FAT4: variants seen among roughly 807,000 people sequenced by gnomAD.
FAT4 encodes protocadherin Fat 4.
In FAT4, 84 loss-of-function variants were observed where a neutral mutation model predicts 303.9. The ratio of observed to expected loss-of-function variants is 0.28; its 90% CI spans 0.23 to 0.33. The LOEUF is 0.33. Ranked by LOEUF, FAT4 falls within the 10% of genes least tolerant of loss-of-function variation. FAT4 has a pLI of 1.00. For synonymous variants in FAT4, 2,307 were observed against 2,298.8 expected (o/e 1.00, Z -0.10); for missense variants, 6,005 against 6,146.8 (o/e 0.98, Z 0.77).
chr4:125,452,347 T>C lies in FAT4; in HGVS notation c.11337T>C (p.Ser3779=). ...ATCATAATCAGTATGTGAATCCCAG[T>C]GGCGTAGCCACCTTCTTTGAAAGCA... The part of the protein sequence containing the change: ...KRNHNQYVNP[S]GVATFFESIK... Residue 3779 remains serine (S), a synonymous_variant, in exon 10 of 18, where the codon AGT becomes AGC. Transcript: ENST00000394329. 3.1e-6 allele frequency: 5 copies of C among 1,614,222 alleles called. No homozygotes were observed. Among genetic ancestry groups the C allele is most frequent in the Non-Finnish European group, 4.2e-6 (5 of 1,180,038 alleles).
intron 3 of FAT4, among the ~76,000 whole-genome samples, chr4:125,401,716 A>T (rs1734395568): frequency 7.9e-6 from 1 of 125,984 alleles, no homozygotes; most frequent in South Asian, 2.9e-4. Flanking sequence ...GAAGCACATG[A>T]TTCCGTTTGT....
In FAT4 at chr4:125,490,809, T is replaced by C; in HGVS notation, c.13993T>C (p.Ser4665Pro). Reference sequence around the variant, plus strand: ...CAGTCCCCTAGGCTTTGCAAGGCAATCCCCCATGCCCTTAGGAGCAAGCAG... The same window carrying C: ...CAGTCCCCTAGGCTTTGCAAGGCAACCCCCCATGCCCTTAGGAGCAAGCAG... ...RHSPLGFARQ[S>P]PMPLGASSLT... Residue 4665 changes from serine (S) to proline (P), a missense_variant, in exon 18 of 18, where the codon TCC becomes CCC. Ser to Pro is a moderately conservative substitution (Grantham distance 74). Transcript: ENST00000394329. 1 of 1,614,000 alleles carries C rather than the reference T, an allele frequency of 6.2e-7. No homozygotes were observed. Among genetic ancestry groups the C allele is most frequent in the Non-Finnish European group, 8.5e-7 (1 of 1,179,996 alleles).
chr4:125,408,755 T>A lies in FAT4; in HGVS notation c.5881T>A (p.Ser1961Thr). The change falls in exon 5 of 18, where the codon TCT becomes ACT. Residue 1961 changes from serine to threonine, a missense_variant. Ser to Thr is a moderately conservative substitution (Grantham distance 58). Coordinates refer to ENST00000394329, the MANE Select transcript of FAT4 (RefSeq NM_001291303.3). ...TSLMENLPVG[S>T]TVLVFNVTDA... ...TTTAATGGAGAATCTACCTGTGGGA[T>A]CTACTGTTCTTGTGTTTAATGTTAC... 6.3e-7 allele frequency: 1 copy of A among 1,595,856 alleles called. No homozygotes were observed. The highest frequency in any genetic ancestry group is 8.5e-7 in the Non-Finnish European group (1 of 1,170,604).
At chr4:125,398,964 T>A (rs1318575731) in intron 3 of FAT4, 49 bp downstream of exon 3, 2 of 1,591,480 alleles carry the variant, frequency 1.3e-6, no homozygotes, top group African/African-American at 1.3e-5. Flanking sequence ...GTGCAGTGAT[T>A]TATCAAATTT....
intron 2 of FAT4, among the ~76,000 whole-genome samples, chr4:125,358,949 G>A (rs1732541966): frequency 6.6e-6 from 1 of 152,096 alleles, no homozygotes; most frequent in African/African-American, 2.4e-5. Context: ...ATACAAACAA[G>A]TTTGTTATAC....
rs199778782 is a variant in FAT4, at chr4:125,450,173, C to A, written c.9163C>A (p.Gln3055Lys). The A allele has an allele frequency of 1.7e-5, 28 of 1,613,704 alleles. No individual in the cohort carries two copies. Among genetic ancestry groups the A allele is most frequent in the Middle Eastern group, 1.6e-4 (1 of 6,062 alleles). ...ATCCTCCCTGATTTCTGACTTGAAC[C>A]AAAACTTTTTTATCACAGTCACTGC... The part of the protein sequence containing the change: ...VASSLISDLN[Q>K]NFFITVTAKD... Residue 3055 changes from glutamine (Q) to lysine (K), a missense_variant, in exon 10 of 18, where the codon CAA becomes AAA. Physicochemically the swap from Gln to Lys is moderately conservative, Grantham distance 53 (BLOSUM62 1). Transcript: ENST00000394329.
At chr4:125,321,977 G>T (rs892083338) in intron 2 of FAT4, among the ~76,000 whole-genome samples, 1 of 152,178 alleles carries the variant, frequency 6.6e-6, no homozygotes, top group Non-Finnish European at 1.5e-5. Context: ...ATTCCAAAAT[G>T]AAGAGCTTTG....
At position 125,318,113 on chromosome 4, in the gene FAT4, CT is replaced by C; in HGVS notation, c.1704del (p.Val569Ter). ...TCACCCCAAGGTGTCCTATGCCCAG[CT>C]TGTAGTAACTCTCCTAGATGTGAAT... ...GVHPKVSYAQ[L>X]VVTLLDVNDE... On this transcript the variant is annotated frameshift_variant, in exon 2 of 18. Transcript: ENST00000394329. LOFTEE classifies it high-confidence loss of function. The C allele has an allele frequency of 6.2e-7, 1 of 1,614,146 alleles. No individual in the cohort carries two copies. Among genetic ancestry groups the C allele is most frequent in the Non-Finnish European group, 8.5e-7 (1 of 1,180,030 alleles).
At chr4:125,484,060 T>TACACACACAC (rs34883833) in intron 16 of FAT4, among the ~76,000 whole-genome samples, 3 of 138,144 alleles carry the variant, frequency 2.2e-5, no homozygotes, top group African/African-American at 8.2e-5. Context: ...CAGACACACA[T>TACACACACAC]ACACACACAC....
chr4:125,476,681 T>C (rs540174582), intron 13 of FAT4, among the ~76,000 whole-genome samples: 13 of 152,254 alleles, frequency 8.5e-5, no homozygotes, highest in African/African-American at 3.1e-4. Context: ...GTGATTTTAA[T>C]AGGAAAAATG....
intron 2 of FAT4, among the ~76,000 whole-genome samples, chr4:125,347,058 G>C (rs887717713): frequency 3.9e-5 from 6 of 152,024 alleles, no homozygotes; most frequent in African/African-American, 1.4e-4. Context: ...TCAGGTGAGA[G>C]CTATTAATTG....
chr4:125,462,984 A>T (rs749507954), intron 10 of FAT4, among the ~76,000 whole-genome samples: 1 of 152,040 alleles, frequency 6.6e-6, no homozygotes, highest in Non-Finnish European at 1.5e-5. Flanking sequence ...ATCGCTTCAG[A>T]CAAAAGACAA....
intron 16 of FAT4, among the ~76,000 whole-genome samples, chr4:125,484,244 T>C (rs900053425): frequency 2.6e-5 from 4 of 151,958 alleles, no homozygotes; most frequent in Non-Finnish European, 4.4e-5. Flanking sequence ...GTAGAATCAA[T>C]TGGGTCTATT....
In FAT4 at chr4:125,415,760, T is replaced by C. The variant is rs748664502; in HGVS notation, c.6797T>C (p.Val2266Ala). The C allele has an allele frequency of 6.2e-7, 1 of 1,613,792 alleles. No homozygotes were observed. Among genetic ancestry groups the C allele is most frequent in the Non-Finnish European group, 8.5e-7 (1 of 1,179,788 alleles). Residue 2266 changes from valine to alanine, a missense_variant, in exon 6 of 18, where the codon GTA becomes GCA. By Grantham distance (64) the Val-to-Ala change is moderately conservative. Transcript: ENST00000394329. ...VPVFELSPYSVNVPENLGTLP... is the reference protein window; with the variant it reads ...VPVFELSPYSANVPENLGTLP... The stretch of plus-strand genomic sequence containing the variant: ...GTATTTGAGCTATCTCCATATTCTG[T>C]AAATGTCCCTGAGAATTTAGGGACA...
chr4:125,391,281 A>G (rs186241197), intron 2 of FAT4, among the ~76,000 whole-genome samples: 1 of 152,328 alleles, frequency 6.6e-6, no homozygotes, highest in Non-Finnish European at 1.5e-5. Flanking sequence ...ATGCCCATCA[A>G]TGATAGACTA....
chr4:125,406,435 C>A (rs2126019065), intron 3 of FAT4, among the ~76,000 whole-genome samples: 1 of 152,232 alleles, frequency 6.6e-6, no homozygotes, highest in East Asian at 1.9e-4. Context: ...AGCACAATAC[C>A]TCTAACTTTG....
At chr4:125,488,036 T>G (rs536264679) in intron 17 of FAT4, among the ~76,000 whole-genome samples, 1 of 152,282 alleles carries the variant, frequency 6.6e-6, no homozygotes, top group South Asian at 2.1e-4. Flanking sequence ...TTCTAATGTG[T>G]GATAAATAAT....
Position 125,320,803 on chromosome 4 carries a change from A to C in FAT4, c.4392A>C (p.Pro1464=). Reference sequence around the variant, plus strand: ...CCTACACAATCATTCAACAGATGCCAAGAGGCAACCACTTTACCATAGATG... The same window carrying C: ...CCTACACAATCATTCAACAGATGCCCAGAGGCAACCACTTTACCATAGATG... The part of the protein sequence containing the change: ...QLSYTIIQQM[P]RGNHFTIDEV... Residue 1464 remains proline (P), a synonymous_variant, in exon 2 of 18, where the codon CCA becomes CCC. Coordinates refer to ENST00000394329, the MANE Select transcript of FAT4 (RefSeq NM_001291303.3). 1 of 1,614,150 alleles carries C rather than the reference A, an allele frequency of 6.2e-7. No homozygotes were observed. The highest frequency in any genetic ancestry group is 8.5e-7 in the Non-Finnish European group (1 of 1,179,942).
At chr4:125,368,918 C>A (rs1241575673) in intron 2 of FAT4, among the ~76,000 whole-genome samples, 3 of 152,088 alleles carry the variant, frequency 2.0e-5, no homozygotes, top group African/African-American at 7.2e-5. Context: ...TTGCTGTACA[C>A]CCTTTAGACT....
Sources: allele counts gnomAD v4.1 joint callset (sites outside exome capture counted in the v4.1 genomes callset), GRCh38; gene constraint gnomAD v4.1.1; transcripts MANE v1.5; gene names NCBI Gene and HGNC (gene_info 2026-07-23, HGNC 2026-07-21).